BRCC3: variants seen among roughly 807,000 people sequenced by gnomAD.
The protein encoded by BRCC3 is lys-63-specific deubiquitinase BRCC36.
Under a neutral mutation model 28.0 loss-of-function variants are expected in BRCC3, and 15 were observed. The observed-to-expected ratio is 0.54, with a 90% CI of 0.36 to 0.82. BRCC3 has a LOEUF of 0.82. Among genes scored for constraint, BRCC3 ranks in the 40% least tolerant of loss-of-function variants. The pLI is 0.01. For missense variants in BRCC3, 109 were observed against 225.9 expected, an observed-to-expected ratio of 0.48 and a Z score of 3.32; for synonymous variants, 66 against 80.3, an observed-to-expected ratio of 0.82 and a Z score of 0.95.
At position 155,077,154 on chromosome X, in the gene BRCC3, G is replaced by A. The variant is rs2124242058; in HGVS notation, c.196-16G>A. 1 of 1,161,770 alleles carries A rather than the reference G, an allele frequency of 8.6e-7. No homozygotes were observed. The highest frequency in any genetic ancestry group is 2.3e-5 in the Admixed American group (1 of 44,417). Reference sequence around the variant, plus strand: ...GAGAGAGCTGTAAGTAACCATTTCTGTGGATTTTCCTTTAGGTTGATGCCG... The same window carrying A: ...GAGAGAGCTGTAAGTAACCATTTCTATGGATTTTCCTTTAGGTTGATGCCG... On this transcript the variant is annotated splice_polypyrimidine_tract_variant and intron_variant, in intron 3 of 10. Transcript: ENST00000330045.
intron 10 of BRCC3, among the ~76,000 whole-genome samples, chrX:155,120,460 A>G (rs1387426825): frequency 1.8e-5 from 2 of 112,238 alleles, no homozygotes; most frequent in Non-Finnish European, 3.8e-5. Context: ...AAACATTTAT[A>G]TTTCCCTTTC....
At chrX:155,104,018 G>A (rs2074262573) in intron 7 of BRCC3, among the ~76,000 whole-genome samples, 1 of 111,352 alleles carries the variant, frequency 9.0e-6, no homozygotes, top group Non-Finnish European at 1.9e-5. Context: ...CTGGAGTGCA[G>A]TCTAAAAGTC....
At chrX:155,109,703 C>T (rs1380644129) in intron 7 of BRCC3, among the ~76,000 whole-genome samples, 1 of 111,639 alleles carries the variant, frequency 9.0e-6, no homozygotes, top group African/African-American at 3.2e-5. Flanking sequence ...TCTATGTAAA[C>T]AGTCATGTCT....
intron 7 of BRCC3, 45 bp downstream of exon 7, chrX:155,090,884 C>A: frequency 1.1e-6 from 1 of 920,339 alleles, no homozygotes; most frequent in Non-Finnish European, 1.6e-6. Flanking sequence ...GGCTAATCTC[C>A]AATTCAGAGA....
intron 3 of BRCC3, among the ~76,000 whole-genome samples, chrX:155,075,759 T>C (rs2074035327): frequency 8.9e-6 from 1 of 112,373 alleles, no homozygotes; most frequent in African/African-American, 3.2e-5. Flanking sequence ...GAAATAATTT[T>C]TTTTCCTTCG....
At position 155,114,075 on chromosome X, in the gene BRCC3, AT is replaced by A. The variant is rs1318543372; in HGVS notation, c.549-1981del. 2.7e-5 allele frequency among the ~76,000 whole-genome samples: 3 copies of A among 111,160 alleles called. No individual in the cohort carries two copies. In the Admixed American group the frequency reaches 2.9e-4, roughly 11 times the overall value. On this transcript the variant is annotated intron_variant, in intron 7 of 10. Transcript: ENST00000330045. ...AGTTTCTTTAAAAACCTAAAAATAG[AT>A]CTACTATATGATCTACCAGTCTCAC... is the stretch of plus-strand genomic sequence containing the variant.
intron 5 of BRCC3, among the ~76,000 whole-genome samples, chrX:155,084,389 G>A (rs1263537937): frequency 1.8e-5 from 2 of 110,549 alleles, no homozygotes; most frequent in African/African-American, 6.6e-5. Context: ...TTGAGACAGA[G>A]TCTGGCTCTG....
intron 7 of BRCC3, chrX:155,099,298 G>C: frequency 8.3e-6 from 10 of 1,205,990 alleles, no homozygotes; most frequent in Non-Finnish European, 1.1e-5. Context: ...ATCTTGGTGT[G>C]TGGTTTCCAT....
At chrX:155,102,973 A>G (rs1489264924) in intron 7 of BRCC3, among the ~76,000 whole-genome samples, 1 of 111,195 alleles carries the variant, frequency 9.0e-6, no homozygotes, top group Non-Finnish European at 1.9e-5. Flanking sequence ...TGTCATAATC[A>G]GAAACATCTC....
intron 7 of BRCC3, among the ~76,000 whole-genome samples, chrX:155,092,697 A>G (rs2074182689): frequency 9.0e-6 from 1 of 110,839 alleles, no homozygotes; most frequent in Non-Finnish European, 1.9e-5. Context: ...CTTGAAACCC[A>G]CTATCCTCTT....
At chrX:155,114,509 C>T (rs782027208) in intron 7 of BRCC3, among the ~76,000 whole-genome samples, 8 of 109,349 alleles carry the variant, frequency 7.3e-5, no homozygotes, top group Non-Finnish European at 1.3e-4. Flanking sequence ...TGTTTCATAA[C>T]AATGTTAATA....
intron 6 of BRCC3, 100 bp from the exon 7 acceptor site, chrX:155,090,684 A>G: frequency 1.7e-6 from 1 of 598,462 alleles, no homozygotes; most frequent in Non-Finnish European, 2.7e-6. Context: ...CATCTTTGGT[A>G]TCTCTTTTAA....
In BRCC3 at chrX:155,090,838, G is replaced by C. The variant is rs200424795; in HGVS notation, c.547G>C (p.Glu183Gln). 2 of 1,163,390 alleles carry C rather than the reference G, an allele frequency of 1.7e-6. No individual in the cohort carries two copies. The highest frequency in any genetic ancestry group is 1.8e-5 in the African/African-American group (1 of 56,318). Residue 183 changes from glutamate to glutamine, a missense_variant and splice_region_variant, in exon 7 of 11, where the codon GAG becomes CAG. This residue lies in a region of BRCC3 where 50 missense variants were observed against 115.2 expected (regional missense o/e 0.43). Transcript: ENST00000330045. ...ATCCATACAGGCCCAAAAGAGTTCA[G>C]AGTAAGTATGAGAGAGACTTATGTG... ...FQSIQAQKSSEYERIEIPIHI... is the reference protein window; with the variant it reads ...FQSIQAQKSSQYERIEIPIHI...
At chrX:155,075,460 A>G (rs1263156709) in intron 3 of BRCC3, among the ~76,000 whole-genome samples, 4 of 111,677 alleles carry the variant, frequency 3.6e-5, no homozygotes, top group African/African-American at 1.3e-4. Context: ...GCCTGCTAAA[A>G]ATTGCCATAT....
chrX:155,095,902 G>A (rs1265498639), intron 7 of BRCC3, among the ~76,000 whole-genome samples: 1 of 111,882 alleles, frequency 8.9e-6, no homozygotes, highest in Non-Finnish European at 1.9e-5. Flanking sequence ...CAGGTTTATA[G>A]CATGGGAGCA....
chrX:155,103,188 G>A (rs1440496773), intron 7 of BRCC3, among the ~76,000 whole-genome samples: 1 of 112,433 alleles, frequency 8.9e-6, no homozygotes, highest in Non-Finnish European at 1.9e-5. Context: ...TTACTTGTAT[G>A]TATAAGTTTT....
At chrX:155,095,113 C>T (rs1273847404) in intron 7 of BRCC3, among the ~76,000 whole-genome samples, 1 of 111,151 alleles carries the variant, frequency 9.0e-6, no homozygotes, top group African/African-American at 3.3e-5. Flanking sequence ...CACAGTGCTC[C>T]AATGGTCATT....
At chrX:155,097,691 TG>T (rs2074219463) in intron 7 of BRCC3, among the ~76,000 whole-genome samples, 2 of 112,639 alleles carry the variant, frequency 1.8e-5, no homozygotes, top group Non-Finnish European at 3.8e-5. Context: ...GTACACCCAC[TG>T]TGGAAAATGG....
intron 5 of BRCC3, among the ~76,000 whole-genome samples, chrX:155,089,061 T>G (rs929610129): frequency 2.1e-4 from 24 of 112,111 alleles, no homozygotes; most frequent in African/African-American, 7.1e-4. Flanking sequence ...TGGCAGACTT[T>G]CGATAGTATT....
Sources: allele counts gnomAD v4.1 joint callset (sites outside exome capture counted in the v4.1 genomes callset), GRCh38; gene constraint gnomAD v4.1.1; regional missense constraint gnomAD v4.1.1; transcripts MANE v1.5; gene names NCBI Gene and HGNC (gene_info 2026-07-23, HGNC 2026-07-21).